The following NBPF3 variants were observed in gnomAD, a reference collection of about 807,000 sequenced individuals.
The protein encoded by NBPF3 is NBPF family member NBPF3.
NBPF3 carries 57 observed loss-of-function variants against 78.1 expected under a neutral mutation model. The ratio of observed to expected loss-of-function variants is 0.73; its 90% CI spans 0.59 to 0.91. NBPF3 has a LOEUF of 0.91. Ranked by LOEUF, NBPF3 falls within the 40% of genes least tolerant of loss-of-function variation. The probability of loss-of-function intolerance (pLI) is 0.00; values close to 1 mark genes in which losing one functional copy is unlikely to be tolerated. For missense variants in NBPF3, 510 were observed against 715.3 expected, an observed-to-expected ratio of 0.71 and a Z score of 3.27; for synonymous variants, 182 against 271.7, an observed-to-expected ratio of 0.67 and a Z score of 3.25.
chr1:21,439,949 C>T (rs1470073570), upstream of NBPF3, among the ~76,000 whole-genome samples: 1 of 152,208 alleles, frequency 6.6e-6, no homozygotes, highest in African/African-American at 2.4e-5. Flanking sequence ...CCCAGCTGCA[C>T]TCGGTGCATC....
intron 2 of NBPF3, among the ~76,000 whole-genome samples, chr1:21,461,123 T>G (rs1157913118): frequency 6.6e-6 from 1 of 152,344 alleles, no homozygotes; most frequent in East Asian, 1.9e-4. Context: ...GGCCTACATC[T>G]TTCATAGAAA....
At chr1:21,437,507 C>T (rs773599776), upstream of NBPF3, 4 of 1,446,208 alleles carry the variant, frequency 2.8e-6, no homozygotes, top group Non-Finnish European at 2.8e-6. Context: ...GCAGCGGCTG[C>T]GGAGAGCCAA....
At chr1:21,470,572 C>T in intron 3 of NBPF3, 60 bp from the exon 4 acceptor site, 1 of 1,375,212 alleles carries the variant, frequency 7.3e-7, no homozygotes, top group Non-Finnish European at 1.0e-6. Context: ...GCCCTGTAGG[C>T]AGTGACCAGA....
At chr1:21,459,616 G>T (rs921323711) in intron 2 of NBPF3, 8 of 229,098 alleles carry the variant, frequency 3.5e-5, no homozygotes, top group South Asian at 3.2e-4. Context: ...AGAAGGAAAG[G>T]GGGGCAAAGC....
chr1:21,454,231 T>A (rs943775434), intron 2 of NBPF3: 2 of 152,258 alleles, frequency 1.3e-5, no homozygotes, highest in South Asian at 2.1e-4. Flanking sequence ...ACTGTGACTT[T>A]CTTTCTTCAA....
At chr1:21,464,890 C>T (rs371971345) in intron 2 of NBPF3, among the ~76,000 whole-genome samples, 1 of 151,534 alleles carries the variant, frequency 6.6e-6, no homozygotes, top group East Asian at 1.9e-4. Flanking sequence ...GCCTAGAGTT[C>T]CAACTACTTG....
At chr1:21,468,987 G>A in intron 3 of NBPF3, 90 bp downstream of exon 3, 1 of 1,045,770 alleles carries the variant, frequency 9.6e-7, no homozygotes, top group Non-Finnish European at 1.4e-6. Context: ...TCAAAAATAA[G>A]TTCAACCCTC....
rs780480064 is a variant in NBPF3 at position 21,483,161 on chromosome 1, G to A, written c.1677G>A (p.Met559Ile). 6 of 1,610,668 alleles carry A rather than the reference G, an allele frequency of 3.7e-6. No individual in the cohort carries two copies. In the South Asian group the frequency reaches 5.5e-5, roughly 15 times the overall value. ...TTTCCAGGCTCAACGAGGTGCTGATGGAAGCAGAAGAGCCTGAAGTCTTGC... is the reference window on the plus strand; with the variant it reads ...TTTCCAGGCTCAACGAGGTGCTGATAGAAGCAGAAGAGCCTGAAGTCTTGC... Reference protein sequence around the residue: ...PPCPRLNEVLMEAEEPEVLQD... With the variant: ...PPCPRLNEVLIEAEEPEVLQD... The change falls in exon 15 of 15, where the codon ATG (methionine) becomes ATA (isoleucine). Residue 559 changes from methionine to isoleucine, a missense_variant. Physicochemically the swap from Met to Ile is conservative, Grantham distance 10. Coordinates refer to ENST00000318249, the MANE Select transcript of NBPF3 (RefSeq NM_032264.6).
At chr1:21,442,909 G>A (rs776869818) in intron 1 of NBPF3, among the ~76,000 whole-genome samples, 3 of 152,106 alleles carry the variant, frequency 2.0e-5, no homozygotes, top group East Asian at 1.9e-4. Flanking sequence ...TAATCTGCCC[G>A]CTTCAGCCTC....
At position 21,476,439 on chromosome 1, in the gene NBPF3, G is replaced by A. The variant is rs1642893036; in HGVS notation, c.992+1488G>A. On this transcript the variant is annotated intron_variant, in intron 8 of 14. Coordinates refer to ENST00000318249, the MANE Select transcript of NBPF3 (RefSeq NM_032264.6). The surrounding 1 kb of genome is among the most constrained non-coding windows in gnomAD (Gnocchi z 4.1). ...CTGGTTGTTCCTTTCCATGTTTAGT[G>A]CTTCCTTCAGGAGCTCTTGCAAGGC... Among the ~76,000 whole-genome samples, 1 of 152,158 alleles carries A rather than the reference G, an allele frequency of 6.6e-6. No individual in the cohort carries two copies. Among genetic ancestry groups the A allele is most frequent in the South Asian group, 2.1e-4 (1 of 4,826 alleles).
At chr1:21,448,649 TC>T (rs1288137755) in intron 2 of NBPF3, among the ~76,000 whole-genome samples, 2 of 152,142 alleles carry the variant, frequency 1.3e-5, no homozygotes, top group African/African-American at 4.8e-5. Flanking sequence ...CGTGTGAGAT[TC>T]CCCCTTAGTC....
chr1:21,438,028 C>G (rs1569882738), upstream of NBPF3, among the ~76,000 whole-genome samples: 1 of 152,026 alleles, frequency 6.6e-6, no homozygotes, highest in South Asian at 2.1e-4. Flanking sequence ...CCATGTTGGT[C>G]AGGCTGGTCT....
At chr1:21,445,277 A>G (rs796230007) in intron 2 of NBPF3, 58 bp downstream of exon 2, 35 of 1,571,620 alleles carry the variant, frequency 2.2e-5, no homozygotes, top group Non-Finnish European at 2.9e-5. Context: ...TTTCTATTAT[A>G]ACTCAGATGT....
intron 13 of NBPF3, among the ~76,000 whole-genome samples, chr1:21,482,030 A>C (rs1283024011): frequency 1.4e-5 from 2 of 147,162 alleles, no homozygotes; most frequent in Non-Finnish European, 3.0e-5. Flanking sequence ...ACCTGGGCAG[A>C]TGGGACAAAT....
At chr1:21,452,084 G>T (rs1422963672) in intron 2 of NBPF3, among the ~76,000 whole-genome samples, 1 of 152,058 alleles carries the variant, frequency 6.6e-6, no homozygotes, top group Non-Finnish European at 1.5e-5. Flanking sequence ...ACATTCTTTA[G>T]ATAAGAATTT....
chr1:21,470,766 G>A, intron 4 of NBPF3, 32 bp downstream of exon 4: 2 of 1,468,698 alleles, frequency 1.4e-6, no homozygotes, highest in Non-Finnish European at 1.9e-6. Context: ...AGGCAGGTGG[G>A]CAGGTGTGTA....
chr1:21,444,548 G>GT (rs1177977454), intron 1 of NBPF3, among the ~76,000 whole-genome samples: 1 of 152,028 alleles, frequency 6.6e-6, no homozygotes, highest in Non-Finnish European at 1.5e-5. Context: ...GGCTACTCTA[G>GT]TATTTAGTCA....
intron 2 of NBPF3, among the ~76,000 whole-genome samples, chr1:21,449,030 T>C (rs1452302527): frequency 6.6e-6 from 1 of 152,208 alleles, no homozygotes; most frequent in Admixed American, 6.5e-5. Flanking sequence ...AGGTGATATA[T>C]AGAATTGTGC....
At chr1:21,465,759 T>G (rs997610945) in intron 2 of NBPF3, among the ~76,000 whole-genome samples, 2 of 152,232 alleles carry the variant, frequency 1.3e-5, no homozygotes, top group African/African-American at 4.8e-5. Flanking sequence ...TTTCCTAAGC[T>G]GCTGACCTTA....
Sources: gnomAD v4.1 joint callset for allele counts (sites outside exome capture counted in the v4.1 genomes callset) on GRCh38, gnomAD v4.1.1 for gene constraint, Gnocchi (gnomAD v3.1) non-coding constraint, MANE v1.5 for transcripts, NCBI Gene and HGNC (gene_info 2026-07-23, HGNC 2026-07-21) for gene names.